Variants in AOPEP observed in about 807,000 individuals in gnomAD.
AOPEP encodes aminopeptidase O.
A neutral mutation model predicts 98.1 loss-of-function variants in AOPEP; 77 were observed. The ratio of observed to expected loss-of-function variants is 0.78; its 90% confidence interval spans 0.65 to 0.95. AOPEP has a LOEUF of 0.95. Among genes scored for constraint, AOPEP ranks in the 40% least tolerant of loss-of-function variants. AOPEP has a pLI of 0.00. For synonymous variants in AOPEP, 346 were observed against 365.3 expected (o/e 0.95, Z 0.60); for missense variants, 1,024 against 1,024.7 (o/e 1.00, Z 0.01).
At chr9:95,110,693 G>A in the AOPEP span, 3 of 1,056,988 alleles carry the variant, frequency 2.8e-6, no homozygotes, top group Non-Finnish European at 3.4e-6. Context: ...GAGAAGCAGG[G>A]CTCTATACAA....
At chr9:95,111,292 C>T in the AOPEP span, 6 of 1,576,124 alleles carry the variant, frequency 3.8e-6, no homozygotes, top group East Asian at 1.4e-4. Flanking sequence ...GAGAACGCCT[C>T]TGACCACAAG....
At chr9:95,104,399 C>T in the AOPEP span, among the ~76,000 whole-genome samples, 1 of 152,184 alleles carries the variant, frequency 6.6e-6, no homozygotes, top group African/African-American at 2.4e-5. Context: ...TGTGTGTCTT[C>T]TCTGTGGCGG....
intron 2 of AOPEP, among the ~76,000 whole-genome samples, chr9:94,771,875 C>CT (rs1033224908): frequency 1.3e-5 from 2 of 152,108 alleles, no homozygotes; most frequent in African/African-American, 4.8e-5. Context: ...TTACTGTCCT[C>CT]TGATTGGTCT....
intron 7 of AOPEP, chr9:94,931,724 T>C (rs936814776): frequency 6.5e-7 from 1 of 1,549,384 alleles, no homozygotes; most frequent in South Asian, 1.2e-5. Flanking sequence ...GGTTTCCACA[T>C]GTTGGCGGAT....
intron 1 of AOPEP, among the ~76,000 whole-genome samples, chr9:94,752,356 C>T (rs1476324457): frequency 1.4e-5 from 2 of 143,044 alleles, no homozygotes; most frequent in Non-Finnish European, 3.0e-5. Flanking sequence ...GTCTCTCTCT[C>T]TCTCACACAC....
chr9:94,958,591 G>T (rs1245739417), intron 9 of AOPEP, among the ~76,000 whole-genome samples: 2 of 152,124 alleles, frequency 1.3e-5, no homozygotes, highest in African/African-American at 4.8e-5. Context: ...ATCCTAGTGG[G>T]TGTGAAATTA....
At chr9:95,120,280 T>C in the AOPEP span, among the ~76,000 whole-genome samples, 161 of 152,330 alleles carry the variant, frequency 1.1e-3, no homozygotes, top group Middle Eastern at 3.4e-3. Context: ...CCTTTCCCCA[T>C]TGAATTGTCT....
At chr9:95,137,643 C>T in the AOPEP span, among the ~76,000 whole-genome samples, 12 of 152,090 alleles carry the variant, frequency 7.9e-5, no homozygotes, top group Admixed American at 6.5e-5. Flanking sequence ...TGAGGCACAA[C>T]CAAGCAGAGA....
At chr9:95,143,895 T>C in the AOPEP span, among the ~76,000 whole-genome samples, 19 of 152,224 alleles carry the variant, frequency 1.2e-4, no homozygotes, top group Admixed American at 1.2e-3. Context: ...AAAGTTCCTC[T>C]AGGTTATCTA....
chr9:95,116,123 C>T, the AOPEP span, among the ~76,000 whole-genome samples: 1 of 152,268 alleles, frequency 6.6e-6, no homozygotes, highest in African/African-American at 2.4e-5. Flanking sequence ...TGGGCCCATG[C>T]CCATGCACCA....
intron 14 of AOPEP, among the ~76,000 whole-genome samples, chr9:95,076,831 G>A (rs1052749310): frequency 2.6e-5 from 4 of 152,152 alleles, no homozygotes; most frequent in Middle Eastern, 3.2e-3. Context: ...GACTTGTTTT[G>A]GGGTGTGATT....
chr9:94,869,632 C>T (rs2046096781), intron 5 of AOPEP, among the ~76,000 whole-genome samples: 1 of 152,170 alleles, frequency 6.6e-6, no homozygotes, highest in Admixed American at 6.5e-5. Flanking sequence ...AGACCATTTA[C>T]CTTCAAATGA....
intron 1 of AOPEP, among the ~76,000 whole-genome samples, chr9:94,744,005 G>C (rs1833855484): frequency 6.6e-6 from 1 of 152,110 alleles, no homozygotes. Context: ...TCTTCCTCTA[G>C]TCCACACTCG....
At chr9:94,933,349 T>A (rs1401544869) in intron 7 of AOPEP, 1 of 985,350 alleles carries the variant, frequency 1.0e-6, no homozygotes, top group African/African-American at 1.7e-5. Context: ...GGTGGCAGGG[T>A]CAGAAGAAAT....
rs190239265 is a variant in AOPEP at position 95,078,038 on chromosome 9, G to C, written c.2233-2656G>C. Among the ~76,000 whole-genome samples the C allele has an allele frequency of 6.2e-4, 95 of 152,038 alleles. 1 individual carries two copies. In the East Asian group the frequency reaches 0.016, roughly 26 times the overall value. On this transcript the variant is annotated intron_variant, in intron 14 of 16. Coordinates refer to ENST00000375315, the MANE Select transcript of AOPEP (RefSeq NM_001193329.3). Reference sequence around the variant, plus strand: ...AAAAGACTTGTTTTTATCTTCTCTTGATGGGGTGGGAAAGGGAGTGGGGGT... The same window carrying C: ...AAAAGACTTGTTTTTATCTTCTCTTCATGGGGTGGGAAAGGGAGTGGGGGT...
At chr9:95,078,726 C>T (rs1453344757) in intron 14 of AOPEP, among the ~76,000 whole-genome samples, 1 of 152,216 alleles carries the variant, frequency 6.6e-6, no homozygotes. Context: ...TCACAAAGCT[C>T]GCAGCAGATG....
At chr9:94,855,945 T>C (rs888347046) in intron 5 of AOPEP, among the ~76,000 whole-genome samples, 2 of 152,178 alleles carry the variant, frequency 1.3e-5, no homozygotes, top group African/African-American at 2.4e-5. Flanking sequence ...GATGTCACCA[T>C]TGAGGAAACA....
At chr9:94,901,529 G>A (rs544204673) in intron 5 of AOPEP, among the ~76,000 whole-genome samples, 1 of 152,038 alleles carries the variant, frequency 6.6e-6, no homozygotes, top group Non-Finnish European at 1.5e-5. Flanking sequence ...AGGACTCCTC[G>A]CTGCTTCTCA....
chr9:95,102,526 G>A, the AOPEP span, among the ~76,000 whole-genome samples: 1 of 152,208 alleles, frequency 6.6e-6, no homozygotes, highest in Non-Finnish European at 1.5e-5. Context: ...GCAGTATTAA[G>A]AAGGCTTAAG....
Sources: gnomAD v4.1 joint callset for allele counts (sites outside exome capture counted in the v4.1 genomes callset) on GRCh38, gnomAD v4.1.1 for gene constraint, MANE v1.5 for transcripts, NCBI Gene and HGNC (gene_info 2026-07-23, HGNC 2026-07-21) for gene names.